Variants in DNAH7 observed in about 807,000 individuals in gnomAD.
DNAH7 encodes the protein dynein axonemal heavy chain 7, also known as axonemal beta dynein heavy chain 7.
In DNAH7, 397 loss-of-function variants were observed where a neutral mutation model predicts 444.6. That is an observed-to-expected ratio of 0.89 (90% confidence interval 0.82 to 0.97). The LOEUF is 0.97. DNAH7 is among the 50% of genes least tolerant of loss of function. DNAH7 has a pLI of 0.00. For synonymous variants in DNAH7, 1,636 were observed against 1,624.4 expected, an observed-to-expected ratio of 1.01 and a Z score of -0.17; for missense variants, 4,902 against 4,800.8, an observed-to-expected ratio of 1.02 and a Z score of -0.62.
chr2:195,946,746 C>T (rs748821521), intron 19 of DNAH7, among the ~76,000 whole-genome samples: 3 of 152,152 alleles, frequency 2.0e-5, no homozygotes, highest in East Asian at 1.9e-4. Flanking sequence ...TCTCTTCACC[C>T]GGTCCTTGTC....
chr2:195,927,344 A>G (rs1688399451), intron 21 of DNAH7, among the ~76,000 whole-genome samples: 9 of 152,054 alleles, frequency 5.9e-5, no homozygotes, highest in Admixed American at 5.9e-4. Flanking sequence ...ATATCTCAGG[A>G]TGGTTAAACC....
intron 47 of DNAH7, among the ~76,000 whole-genome samples, chr2:195,835,718 C>G (rs951007021): frequency 6.6e-6 from 1 of 150,634 alleles, no homozygotes; most frequent in Non-Finnish European, 1.5e-5. Flanking sequence ...GTGGTGCATG[C>G]CTGTAATCCC....
At chr2:196,066,176 A>G (rs1301010521) in intron 1 of DNAH7, among the ~76,000 whole-genome samples, 2 of 152,256 alleles carry the variant, frequency 1.3e-5, no homozygotes, top group Non-Finnish European at 2.9e-5. Context: ...TAGCCCAAGT[A>G]TTAACCCTCC....
At chr2:195,846,949 A>ATGTGTGTGTGTGTGTGTGTG (rs35075325) in intron 46 of DNAH7, among the ~76,000 whole-genome samples, 119 of 137,212 alleles carry the variant, frequency 8.7e-4, no homozygotes, top group African/African-American at 2.3e-3. Context: ...ACTCCCATAT[A>ATGTGTGTGTGTGTGTGTGTG]TGTGTGTGTG....
rs1349184758 is a variant in DNAH7, at chr2:195,737,799, CATAATT to C, written c.*116_*121del. ...AGCTGCATTTGCTCATAAGTAAATT[CATAATT>C]ATAACTTTAGTCAAATGTATTTAAA... On this transcript the variant is annotated 3_prime_UTR_variant, in exon 65 of 65. Coordinates refer to ENST00000312428, the MANE Select transcript of DNAH7 (RefSeq NM_018897.3). 5 of 828,140 alleles carry C rather than the reference CATAATT, an allele frequency of 6.0e-6. No individual in the cohort carries two copies. Among genetic ancestry groups the C allele is most frequent in the African/African-American group, 3.5e-5 (2 of 57,766 alleles). The allele number at this position is 828,140 out of a possible 1,614,324, so 51.3% of individuals were successfully genotyped here.
chr2:195,983,856 A>T (rs1449350532), intron 15 of DNAH7, among the ~76,000 whole-genome samples: 1 of 152,246 alleles, frequency 6.6e-6, no homozygotes. Flanking sequence ...TTGTTGATAA[A>T]ACAAATGAAG....
chr2:195,907,831 T>C (rs1287082256), intron 25 of DNAH7, among the ~76,000 whole-genome samples: 1 of 152,110 alleles, frequency 6.6e-6, no homozygotes, highest in African/African-American at 2.4e-5. Context: ...ACGAACTCTA[T>C]GGATGTCAAA....
intron 1 of DNAH7, among the ~76,000 whole-genome samples, chr2:196,059,375 A>T (rs555508076): frequency 1.3e-5 from 2 of 152,358 alleles, no homozygotes; most frequent in South Asian, 4.1e-4. Flanking sequence ...TGATCTATAA[A>T]GCAGATAATA....
intron 63 of DNAH7, among the ~76,000 whole-genome samples, chr2:195,744,635 C>T (rs1442504156): frequency 1.3e-5 from 2 of 152,124 alleles, no homozygotes; most frequent in Non-Finnish European, 2.9e-5. Flanking sequence ...CTCACACGGC[C>T]GGGTACTCCT....
intron 64 of DNAH7, among the ~76,000 whole-genome samples, chr2:195,740,054 G>A (rs373504555): frequency 6.6e-6 from 1 of 152,084 alleles, no homozygotes; most frequent in African/African-American, 2.4e-5. Flanking sequence ...TGCGATCTAA[G>A]CTCACCGCAA....
chr2:196,003,981 G>A (rs1001644402), intron 10 of DNAH7, among the ~76,000 whole-genome samples: 1 of 152,150 alleles, frequency 6.6e-6, no homozygotes, highest in Non-Finnish European at 1.5e-5. Flanking sequence ...TTTTAACAGT[G>A]GTAAGGTGTG....
chr2:195,898,519 T>C (rs1433004598), intron 28 of DNAH7, among the ~76,000 whole-genome samples: 4 of 152,234 alleles, frequency 2.6e-5, no homozygotes, highest in Non-Finnish European at 4.4e-5. Context: ...TCTATGCTTA[T>C]ATATCATCAG....
chr2:195,926,567 C>T lies in DNAH7; in HGVS notation c.3472-1G>A. 6.3e-7 allele frequency: 1 copy of T among 1,584,152 alleles called. No homozygotes were observed. Among genetic ancestry groups the T allele is most frequent in the Non-Finnish European group, 8.6e-7 (1 of 1,168,904 alleles). ...AGGCAAAAGTTGCATCTCCAGTTACCTAATCAAAAAAGAATATGCTAAATA... is the reference window on the plus strand; with the variant it reads ...AGGCAAAAGTTGCATCTCCAGTTACTTAATCAAAAAAGAATATGCTAAATA... On this transcript the variant is annotated splice_acceptor_variant, in intron 21 of 64. Transcript: ENST00000312428. LOFTEE classifies it high-confidence loss of function.
chr2:195,829,474 A>T (rs550444511), intron 48 of DNAH7, among the ~76,000 whole-genome samples: 6 of 152,240 alleles, frequency 3.9e-5, no homozygotes, highest in South Asian at 4.1e-4. Context: ...GTCATAACAG[A>T]TATCAATTTC....
At chr2:195,948,409 G>A (rs1689973901) in intron 19 of DNAH7, among the ~76,000 whole-genome samples, 1 of 152,132 alleles carries the variant, frequency 6.6e-6, no homozygotes, top group Non-Finnish European at 1.5e-5. Flanking sequence ...TTCTTCTAGG[G>A]TTTTTATGGT....
intron 15 of DNAH7, among the ~76,000 whole-genome samples, chr2:195,973,725 G>A (rs1398322182): frequency 6.6e-6 from 1 of 152,080 alleles, no homozygotes; most frequent in Non-Finnish European, 1.5e-5. Context: ...GCCCACCTCA[G>A]CCTCCCCAAA....
In DNAH7 at chr2:195,831,577, A is replaced by G. The variant is rs149306276; in HGVS notation, c.9100+2629T>C. ...TATAGAAATAGCTTTAGAATCTGCC[A>G]TCTATCTCTCCTTCCATTAAGAGAT... is the stretch of plus-strand genomic sequence containing the variant. On this transcript the variant is annotated intron_variant, in intron 48 of 64. Coordinates refer to ENST00000312428, the MANE Select transcript of DNAH7 (RefSeq NM_018897.3). Among the ~76,000 whole-genome samples, 26 of 152,384 alleles carry G rather than the reference A, an allele frequency of 1.7e-4. 1 individual carries two copies. The East Asian group carries it at 4.6e-3, about 27-fold the overall frequency.
At chr2:196,060,075 G>A (rs1035846706) in intron 1 of DNAH7, among the ~76,000 whole-genome samples, 4 of 152,086 alleles carry the variant, frequency 2.6e-5, no homozygotes, top group East Asian at 1.9e-4. Flanking sequence ...ACAATTAGCC[G>A]GGTGTGGTGG....
chr2:195,779,366 C>T (rs1241069231), intron 58 of DNAH7, among the ~76,000 whole-genome samples: 1 of 151,880 alleles, frequency 6.6e-6, no homozygotes, highest in Non-Finnish European at 1.5e-5. Context: ...ATTTTCTTTC[C>T]AAAGAAAGAA....
Sources: allele counts gnomAD v4.1 joint callset (sites outside exome capture counted in the v4.1 genomes callset), GRCh38; gene constraint gnomAD v4.1.1; transcripts MANE v1.5; gene names NCBI Gene and HGNC (gene_info 2026-07-23, HGNC 2026-07-21).